SEC24A: variants seen among roughly 807,000 people sequenced by gnomAD.
SEC24A encodes the protein protein transport protein Sec24A.
In SEC24A, 93 loss-of-function variants were observed where a neutral mutation model predicts 129.4. The ratio of observed to expected loss-of-function variants is 0.72; its 90% CI spans 0.61 to 0.85. The LOEUF (loss-of-function observed/expected upper bound fraction) is 0.85, where lower values mean the gene tolerates loss of function less well. Among genes scored for constraint, SEC24A ranks in the 40% least tolerant of loss-of-function variants. The pLI is 0.00. For missense variants in SEC24A, 1,264 were observed against 1,307.4 expected (o/e 0.97, Z 0.51); for synonymous variants, 460 against 467.3 (o/e 0.98, Z 0.20).
intron 15 of SEC24A, among the ~76,000 whole-genome samples, chr5:134,702,697 C>G (rs1331706384): frequency 1.3e-5 from 2 of 152,164 alleles, no homozygotes; most frequent in Non-Finnish European, 2.9e-5. Context: ...TTAATTTAAA[C>G]TTCTGCCTAT....
intron 15 of SEC24A, among the ~76,000 whole-genome samples, chr5:134,702,181 T>C (rs1239970544): frequency 6.6e-6 from 1 of 152,188 alleles, no homozygotes; most frequent in Non-Finnish European, 1.5e-5. Flanking sequence ...TTTATTAATG[T>C]TGTATATTTC....
At chr5:134,662,755 G>A (rs1184830974) in intron 2 of SEC24A, among the ~76,000 whole-genome samples, 2 of 152,186 alleles carry the variant, frequency 1.3e-5, no homozygotes, top group Non-Finnish European at 2.9e-5. Flanking sequence ...CCTGCAATTA[G>A]TAGAGCTAAA....
chr5:134,691,619 C>T (rs1312243504), intron 11 of SEC24A, among the ~76,000 whole-genome samples: 1 of 151,638 alleles, frequency 6.6e-6, no homozygotes, highest in Non-Finnish European at 1.5e-5. Context: ...TCTCCTGCCT[C>T]AGCCTCCCGA....
intron 7 of SEC24A, among the ~76,000 whole-genome samples, chr5:134,677,468 A>ATTTT (rs370010622): frequency 9.1e-5 from 12 of 132,116 alleles, no homozygotes; most frequent in Admixed American, 3.9e-4. Flanking sequence ...GCCTGTATTG[A>ATTTT]TTTTTTTTTT....
chr5:134,727,790 T>G lies in SEC24A; in HGVS notation c.*2696T>G, dbSNP rs1371898880. ...GTCTTCCTTTTTACAGTTTGTAATT[T>G]TCACTGTTTTATTCCTGTTAAAAAA... is the stretch of plus-strand genomic sequence containing the variant. On this transcript the variant is annotated 3_prime_UTR_variant, in exon 23 of 23. Coordinates refer to ENST00000398844, the MANE Select transcript of SEC24A (RefSeq NM_021982.3). 3 of 152,648 alleles carry G rather than the reference T, an allele frequency of 2.0e-5. No homozygotes were observed. The highest frequency in any genetic ancestry group is 7.2e-5 in the African/African-American group (3 of 41,470). The allele number at this position is 152,648 out of a possible 1,614,324, so 9.5% of individuals were successfully genotyped here. A position where few individuals can be genotyped will look rare whatever the true frequency, so the allele number is the denominator to read the frequency against.
In SEC24A at chr5:134,658,151, T is replaced by C. The variant is rs533447180; in HGVS notation, c.98-2968T>C. On this transcript the variant is annotated intron_variant, in intron 1 of 22. Coordinates refer to ENST00000398844, the MANE Select transcript of SEC24A (RefSeq NM_021982.3). ...GCGTGGTGGTGCACACCTGTAATCC[T>C]AGCTACTCGAGAGGCTGAATGAGGC... Among the ~76,000 whole-genome samples the C allele has an allele frequency of 2.3e-4, 35 of 152,066 alleles. 2 individuals carry two copies. The South Asian group carries it at 7.3e-3, about 32-fold the overall frequency.
chr5:134,661,482 G>T lies in SEC24A; in HGVS notation c.461G>T (p.Arg154Leu). Residue 154 changes from arginine to leucine, a missense_variant, in exon 2 of 23, where the codon CGT (arginine) becomes CTT (leucine). Transcript: ENST00000398844. ...STASQTNHCP[R>L]ASSQPTVSGN... is the part of the protein sequence containing the mutation. ...GCCTCACAAACAAACCATTGTCCTC[G>T]TGCATCATCCCAACCAACTGTATCT... is the stretch of plus-strand genomic sequence containing the variant. 6.2e-7 allele frequency: 1 copy of T among 1,614,082 alleles called. No individual in the cohort carries two copies.
chr5:134,667,036 G>T, intron 3 of SEC24A, 40 bp downstream of exon 3: 1 of 1,484,254 alleles, frequency 6.7e-7, no homozygotes, highest in South Asian at 1.3e-5. Context: ...CTCAAGTTTT[G>T]ACTTAGGGTA....
chr5:134,657,956 G>A (rs1750303614), intron 1 of SEC24A, among the ~76,000 whole-genome samples: 1 of 152,096 alleles, frequency 6.6e-6, no homozygotes, highest in African/African-American at 2.4e-5. Flanking sequence ...TTGTACTATT[G>A]TAAAACCAAA....
Position 134,666,811 on chromosome 5 carries a change from A to G in SEC24A, c.566-12A>G, listed in dbSNP as rs768857243. Reference sequence around the variant, plus strand: ...TTCTCAAGTGACGTGTGAAAAACCAATGTTTCCATAGGTCCTTCTGTACCT... The same window carrying G: ...TTCTCAAGTGACGTGTGAAAAACCAGTGTTTCCATAGGTCCTTCTGTACCT... On this transcript the variant is annotated splice_polypyrimidine_tract_variant and intron_variant, in intron 2 of 22. Coordinates refer to ENST00000398844, the MANE Select transcript of SEC24A (RefSeq NM_021982.3). 1.3e-5 allele frequency: 21 copies of G among 1,613,450 alleles called. No homozygotes were observed. Among genetic ancestry groups the G allele is most frequent in the East Asian group, 4.5e-5 (2 of 44,828 alleles).
At chr5:134,674,872 T>C in intron 5 of SEC24A, 97 bp downstream of exon 5, 2 of 1,204,186 alleles carry the variant, frequency 1.7e-6, no homozygotes, top group Non-Finnish European at 2.3e-6. Context: ...TACATTTTTA[T>C]AACCATTTAG....
chr5:134,715,868 A>T (rs1336851737), intron 19 of SEC24A, among the ~76,000 whole-genome samples: 1 of 150,228 alleles, frequency 6.7e-6, no homozygotes, highest in Non-Finnish European at 1.5e-5. Context: ...AAAAAAAAAA[A>T]AGTTCTGGGT....
chr5:134,664,192 C>CT (rs1281065959), intron 2 of SEC24A, among the ~76,000 whole-genome samples: 1 of 151,950 alleles, frequency 6.6e-6, no homozygotes, highest in Non-Finnish European at 1.5e-5. Flanking sequence ...AAGTAACCTT[C>CT]TTTTTTCTCA....
At chr5:134,664,448 T>C (rs972797082) in intron 2 of SEC24A, among the ~76,000 whole-genome samples, 5 of 152,196 alleles carry the variant, frequency 3.3e-5, no homozygotes, top group Admixed American at 2.0e-4. Context: ...ATAAGAATTC[T>C]TCAACTTGAA....
intron 11 of SEC24A, among the ~76,000 whole-genome samples, chr5:134,689,528 C>T (rs1054882822): frequency 7.9e-5 from 12 of 152,186 alleles, no homozygotes; most frequent in African/African-American, 2.6e-4. Context: ...TTCAGGAGGC[C>T]GAGGCGGGTG....
At chr5:134,648,701 C>A (rs996701046), upstream of SEC24A, 12 of 160,376 alleles carry the variant, frequency 7.5e-5, no homozygotes, top group Non-Finnish European at 1.5e-4. Flanking sequence ...GAAGAGTTCG[C>A]CGGCGCGGCG....
intron 18 of SEC24A, 38 bp downstream of exon 18, chr5:134,708,926 C>T (rs764265101): frequency 1.3e-6 from 2 of 1,584,634 alleles, no homozygotes; most frequent in Admixed American, 3.5e-5. Context: ...ACAATGATGG[C>T]CAGGCACTGT....
rs777132653 is a variant in SEC24A, at chr5:134,715,024, A to G, written c.2728A>G (p.Lys910Glu). The change falls in exon 19 of 23, where the codon AAA becomes GAA. Residue 910 changes from lysine (K) to glutamate (E), a missense_variant and splice_region_variant. Lys to Glu is a moderately conservative substitution (Grantham distance 56). Transcript: ENST00000398844. ...GGGGAATGGGGGTTTTCTGTTACAG[A>G]AATCATTCCAGACTGGGACAAATGC... ...PLFVLALLKQ[K>E]SFQTGTNARL... 2 of 1,611,548 alleles carry G rather than the reference A, an allele frequency of 1.2e-6. No homozygotes were observed. The highest frequency in any genetic ancestry group is 3.4e-5 in the Admixed American group (2 of 59,464).
chr5:134,668,107 G>C (rs900405269), intron 3 of SEC24A, among the ~76,000 whole-genome samples: 1 of 151,756 alleles, frequency 6.6e-6, no homozygotes, highest in African/African-American at 2.4e-5. Flanking sequence ...CCAGCTACTT[G>C]GGAGGCTGAG....
Sources: allele counts gnomAD v4.1 joint callset (sites outside exome capture counted in the v4.1 genomes callset), GRCh38; gene constraint gnomAD v4.1.1; transcripts MANE v1.5; gene names NCBI Gene and HGNC (gene_info 2026-07-23, HGNC 2026-07-21).